Variants in GATM observed in about 807,000 individuals in gnomAD.
GATM encodes the protein glycine amidinotransferase, mitochondrial.
A neutral mutation model predicts 54.2 loss-of-function variants in GATM; 23 were observed. The observed-to-expected ratio is 0.42, with a 90% CI of 0.31 to 0.60. The LOEUF (loss-of-function observed/expected upper bound fraction) is 0.60. Ranked by LOEUF, GATM falls within the 20% of genes least tolerant of loss-of-function variation. The pLI, the probability that GATM is intolerant of heterozygous loss-of-function variation, is 0.14. For missense variants in GATM, 401 were observed against 544.9 expected (o/e 0.74, Z 2.63); for synonymous variants, 168 against 183.1 (o/e 0.92, Z 0.67).
In GATM at chr15:45,368,905, C is replaced by T. The variant is rs962342331; in HGVS notation, c.484+421G>A. On this transcript the variant is annotated intron_variant, in intron 3 of 8. Coordinates refer to ENST00000396659, the MANE Select transcript of GATM (RefSeq NM_001482.3). This position sits in a 1 kb window ranked among gnomAD's most constrained non-coding sequence, Gnocchi z 5.1. ...AGCTCTTAAAGGACTATCGGTATCA[C>T]AAGATAAAAATTGAGCCAAGGATCA... is the stretch of plus-strand genomic sequence containing the variant. Among the ~76,000 whole-genome samples the T allele has an allele frequency of 3.3e-5, 5 of 152,056 alleles. No individual in the cohort carries two copies. The highest frequency in any genetic ancestry group is 1.2e-4 in the African/African-American group (5 of 41,390).
At chr15:45,390,861 C>T (rs1889864991) in intron 3 of GATM, among the ~76,000 whole-genome samples, 1 of 152,068 alleles carries the variant, frequency 6.6e-6, no homozygotes, top group Admixed American at 6.6e-5. Context: ...TATGGATGAC[C>T]ACACAGCCTG....
At chr15:45,396,417 G>A (rs1448999577) in intron 3 of GATM, among the ~76,000 whole-genome samples, 1 of 152,104 alleles carries the variant, frequency 6.6e-6, no homozygotes, top group Non-Finnish European at 1.5e-5. Flanking sequence ...TACAATTTAG[G>A]GAGAGATTGG....
upstream of GATM, chr15:45,379,065 C>T (rs1889697445): frequency 6.6e-6 from 1 of 152,136 alleles, no homozygotes; most frequent in South Asian, 2.1e-4. Context: ...GCAGTGCTTT[C>T]CTTCCAGTAC....
chr15:45,376,657 C>G lies in GATM; in HGVS notation c.232G>C (p.Val78Leu), dbSNP rs1333483024. The G allele has an allele frequency of 1.9e-6, 3 of 1,614,062 alleles. No individual in the cohort carries two copies. The African/African-American group carries it at 4.0e-5, about 22-fold the overall frequency. Reference protein sequence around the residue: ...SYNEWDPLEEVIVGRAENACV... With the variant: ...SYNEWDPLEELIVGRAENACV... ...GCGTTTTCTGCTCTGCCCACTATCA[C>G]TTCCTCTAAGGGGTCCCATTCGTTG... The change falls in exon 2 of 9, where the codon GTG becomes CTG. Residue 78 changes from valine (V) to leucine (L), a missense_variant. Transcript: ENST00000396659.
intron 3 of GATM, among the ~76,000 whole-genome samples, chr15:45,392,589 A>T (rs1299868187): frequency 1.3e-5 from 2 of 152,226 alleles, no homozygotes; most frequent in African/African-American, 4.8e-5. Context: ...TCCTAGATAG[A>T]TTCTGAGAAG....
intron 2 of GATM, among the ~76,000 whole-genome samples, chr15:45,370,619 T>A (rs559452865): frequency 1.3e-5 from 2 of 152,278 alleles, no homozygotes; most frequent in African/African-American, 4.8e-5. Context: ...AAATTTTTAA[T>A]AACTGAAAAA....
intron 3 of GATM, among the ~76,000 whole-genome samples, chr15:45,386,237 T>G (rs1456450415): frequency 6.6e-6 from 1 of 152,212 alleles, no homozygotes; most frequent in African/African-American, 2.4e-5. Flanking sequence ...GCACATAAAA[T>G]TCTGGAAAGA....
chr15:45,389,932 T>G (rs1326095371), intron 3 of GATM, among the ~76,000 whole-genome samples: 5 of 152,072 alleles, frequency 3.3e-5, no homozygotes, highest in Non-Finnish European at 7.4e-5. Flanking sequence ...TGATCTCAGC[T>G]CACTGCAACC....
intron 3 of GATM, among the ~76,000 whole-genome samples, chr15:45,386,839 A>C (rs1343595353): frequency 1.3e-5 from 2 of 152,194 alleles, no homozygotes; most frequent in African/African-American, 4.8e-5. Context: ...ACTTATGGTC[A>C]TTTAAGTGAC....
At chr15:45,390,628 T>C (rs943232881) in intron 3 of GATM, among the ~76,000 whole-genome samples, 3 of 152,244 alleles carry the variant, frequency 2.0e-5, no homozygotes, top group Non-Finnish European at 4.4e-5. Context: ...GCACATTTTA[T>C]AACATTGTTT....
At chr15:45,388,077 G>C (rs1889825071) in intron 3 of GATM, among the ~76,000 whole-genome samples, 1 of 151,966 alleles carries the variant, frequency 6.6e-6, no homozygotes, top group Non-Finnish European at 1.5e-5. Context: ...TGAACTCCTG[G>C]GCTCAAGTGC....
At chr15:45,376,927 C>T (rs1889647712) in intron 1 of GATM, 108 bp from the exon 2 acceptor site, 1 of 1,003,510 alleles carries the variant, frequency 1.0e-6, no homozygotes, top group South Asian at 1.4e-5. Flanking sequence ...GCCACTTAAA[C>T]CCCTTTAGAA....
upstream of GATM, among the ~76,000 whole-genome samples, chr15:45,380,822 C>A (rs536113963): frequency 6.6e-6 from 1 of 152,244 alleles, no homozygotes; most frequent in African/African-American, 2.4e-5. Context: ...CCACCCAAAC[C>A]AGTCCTACTG....
At chr15:45,362,661 G>T (rs1889382490) in intron 8 of GATM, among the ~76,000 whole-genome samples, 1 of 152,160 alleles carries the variant, frequency 6.6e-6, no homozygotes, top group Non-Finnish European at 1.5e-5. Context: ...ATCTGATACA[G>T]ATTAACTTCA....
intron 2 of GATM, 94 bp downstream of exon 2, chr15:45,376,507 G>A: frequency 2.0e-6 from 2 of 1,007,844 alleles, no homozygotes; most frequent in South Asian, 2.5e-5. Flanking sequence ...GGATTGAGAG[G>A]TCTGGGAGTA....
chr15:45,363,772 C>G (rs1889403048), intron 8 of GATM, 128 bp downstream of exon 8: 1 of 680,384 alleles, frequency 1.5e-6, no homozygotes, highest in South Asian at 1.6e-5. Flanking sequence ...GAAATAATAA[C>G]TTGGTGCCTC....
intron 3 of GATM, among the ~76,000 whole-genome samples, chr15:45,384,477 G>A (rs913529465): frequency 6.6e-6 from 1 of 152,140 alleles, no homozygotes; most frequent in Non-Finnish European, 1.5e-5. Context: ...GGCAAGAGAA[G>A]GTATTTTAGC....
upstream of GATM, among the ~76,000 whole-genome samples, chr15:45,381,551 T>C (rs1196497577): frequency 1.3e-5 from 2 of 152,242 alleles, no homozygotes; most frequent in Non-Finnish European, 2.9e-5. Flanking sequence ...GAATTTATTA[T>C]TTCTATATCA....
chr15:45,362,365 T>A, intron 8 of GATM, 144 bp from the exon 9 acceptor site: 1 of 669,926 alleles, frequency 1.5e-6, no homozygotes. Context: ...CTTCCAATTT[T>A]ATTTTCACCA....
Sources: allele counts gnomAD v4.1 joint callset (sites outside exome capture counted in the v4.1 genomes callset), GRCh38; gene constraint gnomAD v4.1.1; non-coding constraint Gnocchi (gnomAD v3.1); transcripts MANE v1.5; gene names NCBI Gene and HGNC (gene_info 2026-07-23, HGNC 2026-07-21).